The following AUTS2 variants were observed in gnomAD, a reference collection of about 807,000 sequenced individuals.
AUTS2 encodes the protein activator of transcription and developmental regulator AUTS2.
In AUTS2, 17 loss-of-function variants were observed where a neutral mutation model predicts 112.4. The observed-to-expected ratio is 0.15, with a 90% CI of 0.10 to 0.23. AUTS2 has a LOEUF of 0.23. Ranked by LOEUF, AUTS2 falls within the 10% of genes least tolerant of loss-of-function variation. AUTS2 has a pLI of 1.00. For missense variants in AUTS2, 1,510 were observed against 1,701.6 expected, an observed-to-expected ratio of 0.89 and a Z score of 1.98; for synonymous variants, 751 against 702.7, an observed-to-expected ratio of 1.07 and a Z score of -1.09.
intron 4 of AUTS2, among the ~76,000 whole-genome samples, chr7:70,346,827 G>A (rs1198073803): frequency 6.6e-6 from 1 of 152,138 alleles, no homozygotes; most frequent in Non-Finnish European, 1.5e-5. Flanking sequence ...TAGGTCTCTT[G>A]TGTCCAAGCC....
intron 2 of AUTS2, among the ~76,000 whole-genome samples, chr7:70,084,154 A>G (rs1479788456): frequency 6.6e-6 from 1 of 152,220 alleles, no homozygotes; most frequent in Non-Finnish European, 1.5e-5. Context: ...AGAATTGCAT[A>G]TAAATGGCAT....
chr7:70,775,041 T>A (rs140707184), intron 12 of AUTS2: 69 of 378,440 alleles, frequency 1.8e-4, no homozygotes, highest in Middle Eastern at 1.4e-3. Context: ...CTACCCGGTG[T>A]GGTTTGGAGC....
At chr7:70,519,848 G>A (rs1446341858) in intron 5 of AUTS2, among the ~76,000 whole-genome samples, 2 of 152,062 alleles carry the variant, frequency 1.3e-5, no homozygotes, top group African/African-American at 2.4e-5. Flanking sequence ...GCCATGAGGA[G>A]GGGCAAAGGA....
intron 5 of AUTS2, among the ~76,000 whole-genome samples, chr7:70,483,556 C>A (rs537680103): frequency 6.6e-6 from 1 of 152,164 alleles, no homozygotes; most frequent in Non-Finnish European, 1.5e-5. Context: ...CTTAGCCCAG[C>A]GGCTCTCTGG....
chr7:69,629,820 T>TGAAGGAAG (rs34752240), intron 1 of AUTS2, among the ~76,000 whole-genome samples: 3 of 150,704 alleles, frequency 2.0e-5, no homozygotes, highest in Non-Finnish European at 4.4e-5. Context: ...ATTTATTTTG[T>TGAAGGAAG]GAAGGAAGGA....
At chr7:70,789,277 C>A (rs192856871) in intron 18 of AUTS2, among the ~76,000 whole-genome samples, 183 of 152,304 alleles carry the variant, frequency 1.2e-3, no homozygotes, top group African/African-American at 4.2e-3. Flanking sequence ...TGATGTTGAA[C>A]CCTTTCTTCC....
intron 5 of AUTS2, among the ~76,000 whole-genome samples, chr7:70,488,335 G>A (rs1279105832): frequency 2.6e-5 from 4 of 152,326 alleles, no homozygotes; most frequent in South Asian, 2.1e-4. Context: ...TGGAGAGTGC[G>A]CCAGGTGCCC....
intron 1 of AUTS2, among the ~76,000 whole-genome samples, chr7:69,879,162 G>A (rs1793930298): frequency 6.6e-6 from 1 of 151,276 alleles, no homozygotes; most frequent in African/African-American, 2.4e-5. Flanking sequence ...GTGTGTTTGA[G>A]ACAGGGTCTT....
chr7:69,793,875 G>A (rs1477819924), intron 1 of AUTS2, among the ~76,000 whole-genome samples: 1 of 152,156 alleles, frequency 6.6e-6, no homozygotes, highest in Non-Finnish European at 1.5e-5. Context: ...TTCAGATGGG[G>A]GATAGTCAGA....
intron 1 of AUTS2, among the ~76,000 whole-genome samples, chr7:69,716,230 T>TTG (rs1404347914): frequency 2.0e-5 from 3 of 151,292 alleles, no homozygotes; most frequent in Admixed American, 6.6e-5. Context: ...GTGTGTGTGT[T>TTG]TGTGTGTGTG....
chr7:70,444,034 G>A (rs1796220004), intron 5 of AUTS2, among the ~76,000 whole-genome samples: 1 of 152,192 alleles, frequency 6.6e-6, no homozygotes, highest in South Asian at 2.1e-4. Context: ...CCCCTTGGGT[G>A]AATGAGCCAT....
chr7:70,224,675 A>G (rs548115368), intron 4 of AUTS2, among the ~76,000 whole-genome samples: 1 of 152,302 alleles, frequency 6.6e-6, no homozygotes, highest in East Asian at 1.9e-4. Flanking sequence ...CTTCACATTC[A>G]TGCACTGCTC....
At chr7:69,895,819 G>C (rs1220176557) in intron 1 of AUTS2, among the ~76,000 whole-genome samples, 1 of 152,206 alleles carries the variant, frequency 6.6e-6, no homozygotes, top group Non-Finnish European at 1.5e-5. Flanking sequence ...AGCACCTTCA[G>C]TATGAAAGAT....
Position 69,740,053 on chromosome 7 carries a change from C to T in AUTS2, c.309+140091C>T, listed in dbSNP as rs111415318. Among the ~76,000 whole-genome samples, 5 of 152,304 alleles carry T rather than the reference C, an allele frequency of 3.3e-5. 1 individual carries two copies. Among genetic ancestry groups the T allele is most frequent in the Admixed American group, 1.3e-4 (2 of 15,304 alleles). ...TGGGCCAATGACGTAGGAACACAAT[C>T]AGCAGAGGACATGTAGTTTACAGCA... On this transcript the variant is annotated intron_variant, in intron 1 of 18. Transcript: ENST00000342771.
intron 5 of AUTS2, among the ~76,000 whole-genome samples, chr7:70,466,032 C>T (rs920355959): frequency 1.3e-5 from 2 of 152,030 alleles, no homozygotes; most frequent in Admixed American, 6.6e-5. Context: ...ACCAGGAACA[C>T]GGTGGAGAGA....
chr7:70,672,357 CAA>C (rs1283883473), intron 5 of AUTS2, among the ~76,000 whole-genome samples: 2 of 152,132 alleles, frequency 1.3e-5, no homozygotes, highest in Non-Finnish European at 2.9e-5. Flanking sequence ...ACTTGAGAAA[CAA>C]GAGAATAATA....
intron 1 of AUTS2, among the ~76,000 whole-genome samples, chr7:69,897,737 A>G (rs1794812507): frequency 6.6e-6 from 1 of 152,182 alleles, no homozygotes; most frequent in Non-Finnish European, 1.5e-5. Flanking sequence ...AACCTGGGCA[A>G]CAAGAGCGAA....
chr7:70,094,701 C>G (rs1333583910), intron 2 of AUTS2, among the ~76,000 whole-genome samples: 2 of 152,166 alleles, frequency 1.3e-5, no homozygotes, highest in Non-Finnish European at 2.9e-5. Context: ...ACCCCATCCT[C>G]AGACCCTGCC....
intron 1 of AUTS2, among the ~76,000 whole-genome samples, chr7:69,819,472 C>G (rs1296047489): frequency 6.6e-6 from 1 of 152,134 alleles, no homozygotes; most frequent in African/African-American, 2.4e-5. Context: ...CTATTGTCCT[C>G]CTGATGGTGT....
Sources: allele counts gnomAD v4.1 joint callset (sites outside exome capture counted in the v4.1 genomes callset), GRCh38; gene constraint gnomAD v4.1.1; transcripts MANE v1.5; gene names NCBI Gene and HGNC (gene_info 2026-07-23, HGNC 2026-07-21).